NOTCH3: variants seen among roughly 807,000 people sequenced by gnomAD.
NOTCH3 encodes the protein notch receptor 3, also known as neurogenic locus notch homolog protein 3.
Under a neutral mutation model 213.3 loss-of-function variants are expected in NOTCH3, and 86 were observed. The ratio of observed to expected loss-of-function variants is 0.40; its 90% CI spans 0.34 to 0.48. NOTCH3 has a LOEUF of 0.48. Among genes scored for constraint, NOTCH3 ranks in the 20% least tolerant of loss-of-function variants. The probability of loss-of-function intolerance (pLI) is 0.57; values close to 1 mark genes in which losing one functional copy is unlikely to be tolerated. For missense variants in NOTCH3, 2,783 were observed against 3,272.6 expected, an observed-to-expected ratio of 0.85 and a Z score of 3.65; for synonymous variants, 1,354 against 1,355.9, an observed-to-expected ratio of 1.00 and a Z score of 0.03.
At position 15,197,577 on chromosome 19, in the gene NOTCH3, G is replaced by C. The variant is rs146904189; in HGVS notation, c.120C>G (p.Ala40=). 29 of 1,611,276 alleles carry C rather than the reference G, an allele frequency of 1.8e-5. No homozygotes were observed. Among genetic ancestry groups the C allele is most frequent in the Admixed American group, 1.2e-4 (7 of 59,924 alleles). Residue 40 remains alanine, a splice_region_variant and synonymous_variant, in exon 2 of 33, where the codon GCC becomes GCG. Coordinates refer to ENST00000263388, the MANE Select transcript of NOTCH3 (RefSeq NM_000435.3). The part of the protein sequence containing the change: ...LLLLAGPGAA[A]PPCLDGSPCA... ...ACGGGCTTCCGTCCAGGCAAGGGGG[G>C]GCTGTGTGGGGGTGAAGGAAGGTGG...
At chr19:15,187,777 T>C (rs2046895621) in intron 10 of NOTCH3, 104 bp downstream of exon 10, 1 of 920,212 alleles carries the variant, frequency 1.1e-6, no homozygotes, top group African/African-American at 1.6e-5. Flanking sequence ...GGGTCCTGCC[T>C]TGCTACAACC....
intron 1 of NOTCH3, among the ~76,000 whole-genome samples, chr19:15,199,991 G>A (rs917000512): frequency 2.0e-5 from 3 of 152,006 alleles, no homozygotes; most frequent in African/African-American, 7.2e-5. Context: ...CCGGAGGGAG[G>A]GGGTGTCTAG....
chr19:15,195,282 G>T (rs530740856), intron 2 of NOTCH3, among the ~76,000 whole-genome samples: 13 of 152,194 alleles, frequency 8.5e-5, no homozygotes, highest in African/African-American at 3.1e-4. Flanking sequence ...ATCTTGGGGG[G>T]GTGGTCCTTC....
At chr19:15,186,129 AGT>A (rs947294816) in intron 12 of NOTCH3, among the ~76,000 whole-genome samples, 28 of 151,340 alleles carry the variant, frequency 1.9e-4, no homozygotes, top group Admixed American at 1.8e-3. Flanking sequence ...TGGCTTTGGG[AGT>A]GTGTTTATTT....
chr19:15,161,335 G>A lies in NOTCH3; in HGVS notation c.6293C>T (p.Thr2098Met), dbSNP rs866716310. 4.6e-6 allele frequency: 7 copies of A among 1,526,598 alleles called. No homozygotes were observed. The highest frequency in any genetic ancestry group is 2.1e-5 in the Admixed American group (1 of 48,202). The allele number at this position is 1,526,598 out of a possible 1,614,324, so 94.6% of individuals were successfully genotyped here. The change falls in exon 33 of 33, where the codon ACG becomes ATG. Residue 2098 changes from threonine (T) to methionine (M), a missense_variant. By Grantham distance (81) the Thr-to-Met change is moderately conservative (BLOSUM62 -1). Transcript: ENST00000263388. ...CPGPLADSSV[T>M]LSPVDSLDSP... is the part of the protein sequence containing the mutation. The stretch of plus-strand genomic sequence containing the variant: ...GTCCAGCGAGTCCACGGGCGACAGC[G>A]TGACCGAGCTGTCAGCCAGGGGGCC...
At chr19:15,176,921 A>T (rs2046794968) in intron 24 of NOTCH3, among the ~76,000 whole-genome samples, 1 of 151,608 alleles carries the variant, frequency 6.6e-6, no homozygotes, top group Admixed American at 6.6e-5. Flanking sequence ...AAATACAAAA[A>T]AAAAGCCAGG....
chr19:15,166,590 G>C (rs891708540), intron 29 of NOTCH3, among the ~76,000 whole-genome samples: 1 of 152,192 alleles, frequency 6.6e-6, no homozygotes, highest in Non-Finnish European at 1.5e-5. Context: ...CTTCAAAAGA[G>C]AGCCATAAGT....
chr19:15,180,932 TC>T (rs2145422485), intron 18 of NOTCH3, 28 bp downstream of exon 18: 2 of 1,582,332 alleles, frequency 1.3e-6, no homozygotes, highest in Non-Finnish European at 8.6e-7. Flanking sequence ...GGCAGGCTCC[TC>T]CCCCAGGTCC....
chr19:15,171,230 G>A (rs547104378), intron 25 of NOTCH3, among the ~76,000 whole-genome samples: 46 of 152,174 alleles, frequency 3.0e-4, no homozygotes, highest in Non-Finnish European at 4.4e-4. Context: ...GTTTCACCAC[G>A]TTGGCCAGGC....
chr19:15,198,611 C>T (rs1347857223), intron 1 of NOTCH3, among the ~76,000 whole-genome samples: 2 of 152,154 alleles, frequency 1.3e-5, no homozygotes, highest in African/African-American at 4.8e-5. Flanking sequence ...CTTAGCTGGG[C>T]ATGGTAGCAG....
rs1440764424 is a variant in NOTCH3 at position 15,186,375 on chromosome 19, TTGTATGTGTGTGTG to T, written c.1951+489_1951+502del. ...TCCAGAATAATCTTTTTGTTTGTTT[TTGTATGTGTGTGTG>T]TGTGTGTGTGTGTGTGTGTGTGTGT... On this transcript the variant is annotated intron_variant, in intron 12 of 32. Coordinates refer to ENST00000263388, the MANE Select transcript of NOTCH3 (RefSeq NM_000435.3). 3.5e-4 allele frequency among the ~76,000 whole-genome samples: 43 copies of T among 123,320 alleles called. 1 individual carries two copies. The highest frequency in any genetic ancestry group is 3.2e-3 in the South Asian group (11 of 3,490). The allele number at this position is 123,320 out of a possible 152,430, so 80.9% of individuals were successfully genotyped here.
At position 15,187,827 on chromosome 19, in the gene NOTCH3, C is replaced by T. The variant is rs976844523; in HGVS notation, c.1606+54G>A. 15 of 1,407,376 alleles carry T rather than the reference C, an allele frequency of 1.1e-5. No individual in the cohort carries two copies. In the Admixed American group the frequency reaches 1.6e-4, roughly 15 times the overall value. The allele number at this position is 1,407,376 out of a possible 1,614,324, so 87.2% of individuals were successfully genotyped here. A position where few individuals can be genotyped will look rare whatever the true frequency, so the allele number is the denominator to read the frequency against. On this transcript the variant is annotated intron_variant, in intron 10 of 32. Coordinates refer to ENST00000263388, the MANE Select transcript of NOTCH3 (RefSeq NM_000435.3). ...TCCCCAAGTCTGTTATTGGCCCTGT[C>T]GCCCACAAGCCCCGCCTCCTGATTC...
In NOTCH3 at chr19:15,192,519, C is replaced by G; in HGVS notation, c.198G>C (p.Leu66=). 1 of 1,581,392 alleles carries G rather than the reference C, an allele frequency of 6.3e-7. No individual in the cohort carries two copies. The highest frequency in any genetic ancestry group is 1.1e-5 in the South Asian group (1 of 87,222). Residue 66 remains leucine (L), a splice_region_variant and synonymous_variant, in exon 3 of 33, where the codon CTG becomes CTC. Coordinates refer to ENST00000263388, the MANE Select transcript of NOTCH3 (RefSeq NM_000435.3). ...TQLPSREAAC[L]CPPGWVGERC... is the part of the protein sequence containing the mutation. ...GCTCACCCACCCAGCCAGGCGGGCA[C>G]CTGTGGGCAGAGATGGCTTGGTTGG...
rs115582213 is a variant in NOTCH3 at position 15,162,524 on chromosome 19, C to T, written c.5854G>A (p.Val1952Met). Reference sequence around the variant, plus strand: ...TTGAGCAGGGCCAAAGTGGCTTCCACGTTGTTCACAGCCGCAGCCCAGTGT... The same window carrying T: ...TTGAGCAGGGCCAAAGTGGCTTCCATGTTGTTCACAGCCGCAGCCCAGTGT... ...ALHWAAAVNN[V>M]EATLALLKNG... The change falls in exon 32 of 33, where the codon GTG (valine) becomes ATG (methionine). Residue 1952 changes from valine to methionine, a missense_variant. Val to Met is a conservative substitution (Grantham distance 21). This residue lies in a region of NOTCH3 where 636 missense variants were observed against 801.8 expected (regional missense o/e 0.79). Coordinates refer to ENST00000263388, the MANE Select transcript of NOTCH3 (RefSeq NM_000435.3). 15,440 of 1,613,920 alleles carry T rather than the reference C, an allele frequency of 9.6e-3. 102 individuals are homozygous for T. The highest frequency in any genetic ancestry group is 0.011 in the Non-Finnish European group (12,873 of 1,179,954).
chr19:15,189,671 C>A (rs754410509), intron 6 of NOTCH3, among the ~76,000 whole-genome samples: 107 of 152,214 alleles, frequency 7.0e-4, no homozygotes, highest in Non-Finnish European at 1.2e-3. Flanking sequence ...GCATGTGCCA[C>A]CACGCCCGGC....
intron 29 of NOTCH3, among the ~76,000 whole-genome samples, chr19:15,166,714 A>C (rs1195291478): frequency 6.6e-6 from 1 of 152,252 alleles, no homozygotes; most frequent in Non-Finnish European, 1.5e-5. Context: ...CACACACTGT[A>C]CACAAGCACT....
Position 15,161,709 on chromosome 19 carries a change from C to T in NOTCH3, c.5919G>A (p.Glu1973=). 3 of 1,613,412 alleles carry T rather than the reference C, an allele frequency of 1.9e-6. No homozygotes were observed. The highest frequency in any genetic ancestry group is 2.5e-6 in the Non-Finnish European group (3 of 1,179,702). ...ANKDMQDSKE[E]TPLFLAAREG... is the part of the protein sequence containing the mutation. ...CGCGGGCGGCCAGGAATAGGGGGGT[C>T]TCCTCCTGGGGGGCCAGAACCCACA... Residue 1973 remains glutamate (E), a synonymous_variant, in exon 33 of 33, where the codon GAG becomes GAA. Transcript: ENST00000263388.
At chr19:15,191,299 C>CTAT (rs2046924562) in intron 6 of NOTCH3, 125 bp downstream of exon 6, 2 of 894,836 alleles carry the variant, frequency 2.2e-6, no homozygotes, top group Non-Finnish European at 3.6e-6. Flanking sequence ...TCCCAAAGTG[C>CTAT]TATGATTACA....
chr19:15,165,391 T>A lies in NOTCH3; in HGVS notation c.5792A>T (p.Asp1931Val), dbSNP rs2145390853. The A allele has an allele frequency of 6.2e-7, 1 of 1,608,666 alleles. No homozygotes were observed. Among genetic ancestry groups the A allele is most frequent in the Non-Finnish European group, 8.5e-7 (1 of 1,180,014 alleles). ...ACCAAGCTCATCCACAGCATTGACA[T>A]CAGCATGGCTGGCGATGAGCTCTTC... ...MVEELIASHA[D>V]VNAVDELGKS... The change falls in exon 31 of 33, where the codon GAT becomes GTT. Residue 1931 changes from aspartate to valine, a missense_variant. Coordinates refer to ENST00000263388, the MANE Select transcript of NOTCH3 (RefSeq NM_000435.3). This position sits in a 1 kb window ranked among gnomAD's most constrained non-coding sequence, Gnocchi z 4.7.
Sources: allele counts gnomAD v4.1 joint callset (sites outside exome capture counted in the v4.1 genomes callset), GRCh38; gene constraint gnomAD v4.1.1; regional missense constraint gnomAD v4.1.1; non-coding constraint Gnocchi (gnomAD v3.1); transcripts MANE v1.5; gene names NCBI Gene and HGNC (gene_info 2026-07-23, HGNC 2026-07-21).